Variants in ZNF44 observed in about 807,000 individuals in gnomAD.
The protein encoded by ZNF44 is gonadotropin inducible transcription repressor-2.
ZNF44 carries 9 observed loss-of-function variants against 11.7 expected under a neutral mutation model. That is an observed-to-expected ratio of 0.77 (90% CI 0.46 to 1.35). The LOEUF (loss-of-function observed/expected upper bound fraction) is 1.35. Ranked by LOEUF, ZNF44 falls within the 40% of genes most tolerant of loss-of-function variation. ZNF44 has a pLI of 0.00. For synonymous variants in ZNF44, 224 were observed against 242.7 expected, an observed-to-expected ratio of 0.92 and a Z score of 0.72; for missense variants, 696 against 743.1, an observed-to-expected ratio of 0.94 and a Z score of 0.74.
chr19:12,230,179 G>A (rs1050574000), intron 3 of ZNF44, among the ~76,000 whole-genome samples: 1 of 152,194 alleles, frequency 6.6e-6, no homozygotes, highest in Non-Finnish European at 1.5e-5. Flanking sequence ...GCGAGGTTGT[G>A]AAGGAGACAG....
chr19:12,264,381 CT>C (rs757563600), intron 5 of ZNF44, among the ~76,000 whole-genome samples: 1 of 152,204 alleles, frequency 6.6e-6, no homozygotes. Context: ...CAAAGGTGGC[CT>C]TACCTTCTAG....
exon 8 of ZNF44, chr19:12,247,674 C>A: frequency 7.4e-7 from 1 of 1,353,240 alleles, no homozygotes; most frequent in African/African-American, 1.5e-5. Context: ...AAAGGCTTTC[C>A]CACATTCCTT....
intron 3 of ZNF44, among the ~76,000 whole-genome samples, chr19:12,274,512 G>C (rs1183889461): frequency 6.6e-6 from 1 of 151,402 alleles, no homozygotes; most frequent in Non-Finnish European, 1.5e-5. Flanking sequence ...TGACCTCGTG[G>C]ATCCACCCAC....
At chr19:12,253,187 C>CAT (rs1555737045) in intron 5 of ZNF44, among the ~76,000 whole-genome samples, 4 of 110,244 alleles carry the variant, frequency 3.6e-5, no homozygotes. Flanking sequence ...CTGCACCTGG[C>CAT]TTTTTTTTTT....
downstream of ZNF44, among the ~76,000 whole-genome samples, chr19:12,268,888 C>T (rs761489583): frequency 7.2e-5 from 11 of 152,110 alleles, no homozygotes; most frequent in Non-Finnish European, 1.2e-4. Flanking sequence ...AGACTACAGG[C>T]GTGCACCACT....
downstream of ZNF44, among the ~76,000 whole-genome samples, chr19:12,271,037 G>GTGATGATGATGA (rs112180662): frequency 3.4e-4 from 52 of 151,068 alleles, no homozygotes; most frequent in African/African-American, 1.2e-3. Context: ...TCCTCTACAA[G>GTGATGATGATGA]TGATGATGAT....
At chr19:12,285,947 G>T (rs1967722658) in intron 1 of ZNF44, among the ~76,000 whole-genome samples, 1 of 149,036 alleles carries the variant, frequency 6.7e-6, no homozygotes, top group African/African-American at 2.6e-5. Context: ...TGAACCCGGG[G>T]GTCAGAGCTT....
At chr19:12,234,296 CAACAT>C (rs1916289893) in intron 2 of ZNF44, among the ~76,000 whole-genome samples, 1 of 152,122 alleles carries the variant, frequency 6.6e-6, no homozygotes, top group Non-Finnish European at 1.5e-5. Flanking sequence ...ATAAATACTT[CAACAT>C]CTATGTTACA....
intron 5 of ZNF44, among the ~76,000 whole-genome samples, chr19:12,258,388 A>G (rs996682485): frequency 6.6e-6 from 1 of 151,240 alleles, no homozygotes. Context: ...CTTCACTACA[A>G]CCATACAACC....
upstream of ZNF44, among the ~76,000 whole-genome samples, chr19:12,242,441 C>T (rs371464961): frequency 2.0e-5 from 3 of 149,144 alleles, no homozygotes; most frequent in South Asian, 2.1e-4. Flanking sequence ...ACCTGGGAGG[C>T]GGAGCTTGCA....
At chr19:12,294,550 C>T in intron 1 of ZNF44, 142 bp downstream of exon 1, 5 of 1,204,110 alleles carry the variant, frequency 4.2e-6, no homozygotes, top group Middle Eastern at 5.5e-4. Flanking sequence ...CCAAACGGAC[C>T]GAGGACCGAG....
upstream of ZNF44, among the ~76,000 whole-genome samples, chr19:12,242,338 G>T (rs751001411): frequency 6.6e-6 from 1 of 151,594 alleles, no homozygotes; most frequent in African/African-American, 2.4e-5. Context: ...GTGAAACCCT[G>T]TCTCTACTAA....
At chr19:12,278,547 G>A (rs574233113) in intron 1 of ZNF44, among the ~76,000 whole-genome samples, 2 of 151,902 alleles carry the variant, frequency 1.3e-5, no homozygotes, top group African/African-American at 2.4e-5. Flanking sequence ...CCTGGGCAAT[G>A]TGGGGAGACC....
At chr19:12,282,113 C>T (rs1967497376) in intron 1 of ZNF44, among the ~76,000 whole-genome samples, 1 of 152,174 alleles carries the variant, frequency 6.6e-6, no homozygotes. Flanking sequence ...GGTTAGACTG[C>T]CATCTTCAAA....
At chr19:12,293,471 G>T in intron 1 of ZNF44, 2 of 1,288,406 alleles carry the variant, frequency 1.6e-6, no homozygotes, top group Non-Finnish European at 2.0e-6. Context: ...AGGCACAAAG[G>T]TTTGGTTTTT....
upstream of ZNF44, among the ~76,000 whole-genome samples, chr19:12,239,328 C>T (rs2438552): frequency 0.061 from 9,252 of 151,210 alleles, 964 homozygotes; most frequent in African/African-American, 0.22. Context: ...TGACCAGGCT[C>T]GTCTTGAACT....
intron 3 of ZNF44, among the ~76,000 whole-genome samples, chr19:12,274,526 G>A (rs571623589): frequency 4.0e-5 from 6 of 151,276 alleles, no homozygotes; most frequent in South Asian, 4.2e-4. Flanking sequence ...CACCCACCTC[G>A]GCCTCCCAAA....
chr19:12,294,624 C>G (rs577654580), intron 1 of ZNF44, 68 bp downstream of exon 1: 1 of 1,539,862 alleles, frequency 6.5e-7, no homozygotes, highest in East Asian at 2.5e-5. Context: ...GGTCCCGCCA[C>G]AGCCGGTTCC....
intron 1 of ZNF44, chr19:12,291,157 A>G (rs1254910559): frequency 2.4e-6 from 1 of 415,660 alleles, no homozygotes; most frequent in Non-Finnish European, 4.7e-6. Context: ...TAAGTTCTTT[A>G]GCTATTGCAA....
Sources: gnomAD v4.1 joint callset for allele counts (sites outside exome capture counted in the v4.1 genomes callset) on GRCh38, gnomAD v4.1.1 for gene constraint, MANE v1.5 for transcripts, NCBI Gene and HGNC (gene_info 2026-07-23, HGNC 2026-07-21) for gene names.